Variants in RGS7 observed in about 807,000 individuals in gnomAD.
The protein encoded by RGS7 is regulator of G-protein signaling 7.
A neutral mutation model predicts 81.1 loss-of-function variants in RGS7; 27 were observed. That is an observed-to-expected ratio of 0.33 (90% CI 0.25 to 0.46). RGS7 has a LOEUF of 0.46. Among genes scored for constraint, RGS7 ranks in the 20% least tolerant of loss-of-function variants. The probability of loss-of-function intolerance (pLI) is 1.00; values close to 1 mark genes in which losing one functional copy is unlikely to be tolerated. For missense variants in RGS7, 396 were observed against 607.4 expected (o/e 0.65, Z 3.66); for synonymous variants, 208 against 207.7 (o/e 1.00, Z -0.01).
chr1:241,131,297 A>G (rs2103039647), intron 2 of RGS7, among the ~76,000 whole-genome samples: 1 of 152,324 alleles, frequency 6.6e-6, no homozygotes, highest in African/African-American at 2.4e-5. Flanking sequence ...CTTGAATCTA[A>G]TCATTAAGAT....
At position 240,976,832 on chromosome 1, in the gene RGS7, T is replaced by C. The variant is rs910855139; in HGVS notation, c.226+6247A>G. Reference sequence around the variant, plus strand: ...CTATCTATATTTTCTATCATCTACCTATCATTTATCTATCATCTATCTATC... The same window carrying C: ...CTATCTATATTTTCTATCATCTACCCATCATTTATCTATCATCTATCTATC... On this transcript the variant is annotated intron_variant, in intron 4 of 18. Coordinates refer to ENST00000440928, the MANE Select transcript of RGS7 (RefSeq NM_001364886.1). Among the ~76,000 whole-genome samples, 3 of 146,856 alleles carry C rather than the reference T, an allele frequency of 2.0e-5. No homozygotes were observed. The Admixed American group carries it at 2.1e-4, about 10-fold the overall frequency.
chr1:241,325,712 T>G (rs1184991620), intron 2 of RGS7, among the ~76,000 whole-genome samples: 4 of 152,196 alleles, frequency 2.6e-5, no homozygotes, highest in African/African-American at 9.7e-5. Flanking sequence ...TTGTTGTGCA[T>G]GCATCTCTCA....
Position 241,163,125 on chromosome 1 carries a change from C to T in RGS7, c.79-64363G>A, listed in dbSNP as rs2069867453. ...GTGGCCAGGAAGGCATAACCATTTG[C>T]GGCTTAACACAGCCAAAAGGTCAGA... On this transcript the variant is annotated intron_variant, in intron 2 of 18. Transcript: ENST00000440928. This position sits in a 1 kb window ranked among gnomAD's most constrained non-coding sequence, Gnocchi z 4.6. Among the ~76,000 whole-genome samples the T allele has an allele frequency of 6.6e-6, 1 of 152,128 alleles. No homozygotes were observed. The highest frequency in any genetic ancestry group is 1.5e-5 in the Non-Finnish European group (1 of 68,024).
chr1:240,849,406 A>G (rs1659681007), intron 9 of RGS7, among the ~76,000 whole-genome samples: 2 of 152,224 alleles, frequency 1.3e-5, no homozygotes, highest in African/African-American at 2.4e-5. Context: ...AAGAAAAAGA[A>G]GTCCTGGGGG....
intron 9 of RGS7, among the ~76,000 whole-genome samples, chr1:240,841,280 C>A (rs964841188): frequency 5.9e-5 from 9 of 152,174 alleles, no homozygotes; most frequent in African/African-American, 2.2e-4. Context: ...TAGAGCAGGC[C>A]TCTCTGTCCC....
At chr1:241,225,544 A>G (rs1419725192) in intron 2 of RGS7, among the ~76,000 whole-genome samples, 1 of 152,188 alleles carries the variant, frequency 6.6e-6, no homozygotes, top group African/African-American at 2.4e-5. Context: ...TGCATCACAA[A>G]TACTGGCTGG....
At chr1:240,948,149 T>A (rs936879586) in intron 4 of RGS7, among the ~76,000 whole-genome samples, 1 of 152,258 alleles carries the variant, frequency 6.6e-6, no homozygotes, top group Non-Finnish European at 1.5e-5. Flanking sequence ...TTAGTACTCA[T>A]CACCACTTAC....
intron 3 of RGS7, among the ~76,000 whole-genome samples, chr1:241,042,106 A>G (rs983296043): frequency 6.6e-6 from 1 of 152,212 alleles, no homozygotes; most frequent in Admixed American, 6.5e-5. Flanking sequence ...AATAACTCTA[A>G]GGAAGAAGGG....
chr1:241,324,943 A>G (rs2032022588), intron 2 of RGS7, among the ~76,000 whole-genome samples: 1 of 152,232 alleles, frequency 6.6e-6, no homozygotes, highest in South Asian at 2.1e-4. Flanking sequence ...ATTCTACTAT[A>G]AAGCTATGGA....
chr1:240,987,854 A>G (rs2148577537), intron 3 of RGS7, among the ~76,000 whole-genome samples: 1 of 152,258 alleles, frequency 6.6e-6, no homozygotes, highest in South Asian at 2.1e-4. Context: ...ACCTCTCACT[A>G]AATAGAAGAC....
intron 3 of RGS7, among the ~76,000 whole-genome samples, chr1:241,065,133 A>C (rs889087015): frequency 6.6e-6 from 1 of 151,858 alleles, no homozygotes; most frequent in African/African-American, 2.4e-5. Flanking sequence ...GTGAGTCTTG[A>C]TTTTCTCAGC....
At chr1:240,987,529 CTTT>C (rs541070675) in intron 3 of RGS7, among the ~76,000 whole-genome samples, 3 of 140,868 alleles carry the variant, frequency 2.1e-5, no homozygotes, top group Non-Finnish European at 1.6e-5. Flanking sequence ...AACTATTCTT[CTTT>C]TTTTTTTTTT....
chr1:241,353,807 C>T (rs899309560), intron 2 of RGS7, among the ~76,000 whole-genome samples: 6 of 152,018 alleles, frequency 3.9e-5, no homozygotes, highest in East Asian at 3.8e-4. Flanking sequence ...AAATTAATGG[C>T]GATTCGATGC....
intron 4 of RGS7, among the ~76,000 whole-genome samples, chr1:240,960,389 G>A (rs1449874868): frequency 1.3e-5 from 2 of 150,034 alleles, no homozygotes; most frequent in Non-Finnish European, 3.0e-5. Flanking sequence ...GTCTACAGGG[G>A]CACAGCACCA....
At chr1:241,181,855 T>C (rs1367408670) in intron 2 of RGS7, among the ~76,000 whole-genome samples, 2 of 152,116 alleles carry the variant, frequency 1.3e-5, no homozygotes, top group South Asian at 2.1e-4. Context: ...CAAACCACTA[T>C]GCTGAGCTAA....
intron 2 of RGS7, among the ~76,000 whole-genome samples, chr1:241,250,917 C>T (rs2076797479): frequency 1.3e-5 from 2 of 152,324 alleles, no homozygotes; most frequent in South Asian, 4.1e-4. Context: ...GTCTCCTCTG[C>T]TCATTTAAAA....
At chr1:241,099,408 A>G (rs2064547729) in intron 2 of RGS7, among the ~76,000 whole-genome samples, 1 of 152,136 alleles carries the variant, frequency 6.6e-6, no homozygotes, top group Non-Finnish European at 1.5e-5. Context: ...ACACAAGTAC[A>G]CATACACGTG....
At chr1:241,291,337 C>T (rs955350574) in intron 2 of RGS7, among the ~76,000 whole-genome samples, 1 of 152,076 alleles carries the variant, frequency 6.6e-6, no homozygotes, top group African/African-American at 2.4e-5. Context: ...TTACAATACA[C>T]ATGTAAACAC....
intron 2 of RGS7, among the ~76,000 whole-genome samples, chr1:241,254,881 T>G (rs1433751396): frequency 6.6e-6 from 1 of 152,196 alleles, no homozygotes; most frequent in Non-Finnish European, 1.5e-5. Flanking sequence ...TTCCTGAGGC[T>G]GATGCCAAAA....
Sources: allele counts gnomAD v4.1 joint callset (sites outside exome capture counted in the v4.1 genomes callset), GRCh38; gene constraint gnomAD v4.1.1; non-coding constraint Gnocchi (gnomAD v3.1); transcripts MANE v1.5; gene names NCBI Gene and HGNC (gene_info 2026-07-23, HGNC 2026-07-21).